DCHS2: variants seen among roughly 807,000 people sequenced by gnomAD.
DCHS2 encodes dachsous cadherin-related 2, also known as protocadherin-23.
A neutral mutation model predicts 182.4 loss-of-function variants in DCHS2; 142 were observed. That is an observed-to-expected ratio of 0.78 (90% CI 0.68 to 0.89). The LOEUF is 0.89. Ranked by LOEUF, DCHS2 falls within the 40% of genes least tolerant of loss-of-function variation. The probability of loss-of-function intolerance (pLI) is 0.00; values close to 1 mark genes in which losing one functional copy is unlikely to be tolerated. For missense variants in DCHS2, 4,319 were observed against 4,198.6 expected, an observed-to-expected ratio of 1.03 and a Z score of -0.79; for synonymous variants, 1,740 against 1,663.3, an observed-to-expected ratio of 1.05 and a Z score of -1.12.
intron 2 of DCHS2, among the ~76,000 whole-genome samples, chr4:154,370,538 T>A (rs1280191406): frequency 6.6e-6 from 1 of 152,030 alleles, no homozygotes; most frequent in Non-Finnish European, 1.5e-5. Flanking sequence ...AAATTAATGA[T>A]GCAGGAAAAA....
At chr4:154,343,837 CA>C (rs1203659248) in intron 3 of DCHS2, among the ~76,000 whole-genome samples, 1 of 152,188 alleles carries the variant, frequency 6.6e-6, no homozygotes, top group African/African-American at 2.4e-5. Flanking sequence ...TTTACATTCA[CA>C]ATTCGGATAA....
At chr4:154,343,089 A>T (rs912851861) in intron 3 of DCHS2, among the ~76,000 whole-genome samples, 1 of 152,176 alleles carries the variant, frequency 6.6e-6, no homozygotes, top group Non-Finnish European at 1.5e-5. Flanking sequence ...AGCAGTAATG[A>T]TTTGAAAGAA....
At chr4:154,374,100 C>G in intron 2 of DCHS2, 1 of 664,566 alleles carries the variant, frequency 1.5e-6, no homozygotes. Context: ...TCCCAATGCA[C>G]TTCTGGAGCA....
chr4:154,450,310 G>A (rs756697993), intron 1 of DCHS2, among the ~76,000 whole-genome samples: 6 of 152,214 alleles, frequency 3.9e-5, no homozygotes, highest in Non-Finnish European at 5.9e-5. Context: ...CTTGAATGCT[G>A]TTAAGTACTG....
In DCHS2 at chr4:154,239,164, A is replaced by C; in HGVS notation, c.7492+6T>G. The C allele has an allele frequency of 1.2e-6, 2 of 1,609,694 alleles. No homozygotes were observed. The highest frequency in any genetic ancestry group is 8.5e-7 in the Non-Finnish European group (1 of 1,178,322). ...ATGAGCATTAATGCAATTATAAATAACTCACCATTCTTAGGATCAATGGAG... is the reference window on the plus strand; with the variant it reads ...ATGAGCATTAATGCAATTATAAATACCTCACCATTCTTAGGATCAATGGAG... On this transcript the variant is annotated splice_donor_region_variant and intron_variant, in intron 19 of 19. Transcript: ENST00000357232.
At chr4:154,450,548 G>C (rs1446672253) in intron 1 of DCHS2, among the ~76,000 whole-genome samples, 2 of 152,122 alleles carry the variant, frequency 1.3e-5, no homozygotes, top group African/African-American at 4.8e-5. Context: ...AAATTTAGGA[G>C]CCAGCCGGGC....
rs527548835 is a variant in DCHS2 at position 154,490,137 on chromosome 4, T to A, written c.1219A>T (p.Asn407Tyr). ...ACGTGAATTGCTGGCCGGTTGTCATTCACGTCCAGCACGGCGATGGACACG... is the reference window on the plus strand; with the variant it reads ...ACGTGAATTGCTGGCCGGTTGTCATACACGTCCAGCACGGCGATGGACACG... ...VRVSIAVLDV[N>Y]DNRPAIHVLF... Residue 407 changes from asparagine (N) to tyrosine (Y), a missense_variant, in exon 1 of 20, where the codon AAT (asparagine) becomes TAT (tyrosine). Physicochemically the swap from Asn to Tyr is moderately radical, Grantham distance 143 (BLOSUM62 -2). Coordinates refer to ENST00000357232, the MANE Select transcript of DCHS2 (RefSeq NM_001358235.2). The A allele has an allele frequency of 6.5e-7, 1 of 1,548,190 alleles. No homozygotes were observed. Among genetic ancestry groups the A allele is most frequent in the Non-Finnish European group, 8.7e-7 (1 of 1,145,474 alleles).
At chr4:154,437,541 A>C (rs1249087992) in intron 1 of DCHS2, among the ~76,000 whole-genome samples, 1 of 152,220 alleles carries the variant, frequency 6.6e-6, no homozygotes, top group Non-Finnish European at 1.5e-5. Context: ...CAAGCAATAT[A>C]AATACTATAT....
In DCHS2 at chr4:154,333,309, T is replaced by G. The variant is rs1327103132; in HGVS notation, c.2899A>C (p.Ile967Leu). The change falls in exon 5 of 20, where the codon ATA becomes CTA. Residue 967 changes from isoleucine (I) to leucine (L), a missense_variant. Coordinates refer to ENST00000357232, the MANE Select transcript of DCHS2 (RefSeq NM_001358235.2). Reference sequence around the variant, plus strand: ...TTGTCATTGACATCCATGACTGTTATGTTGACCTCGGTGCTGCTGCAGGCT... The same window carrying G: ...TTGTCATTGACATCCATGACTGTTAGGTTGACCTCGGTGCTGCTGCAGGCT... Reference protein sequence around the residue: ...APACSSTEVNITVMDVNDNHP... With the variant: ...APACSSTEVNLTVMDVNDNHP... 1.2e-6 allele frequency: 2 copies of G among 1,614,212 alleles called. No homozygotes were observed. Among genetic ancestry groups the G allele is most frequent in the South Asian group, 1.1e-5 (1 of 91,078 alleles).
intron 2 of DCHS2, among the ~76,000 whole-genome samples, chr4:154,373,651 T>G (rs1730745387): frequency 1.1e-5 from 1 of 92,762 alleles, no homozygotes; most frequent in Non-Finnish European, 2.2e-5. Context: ...CAGGTCCCGT[T>G]TTCACATAAA....
intron 1 of DCHS2, among the ~76,000 whole-genome samples, chr4:154,445,228 C>T (rs904820200): frequency 6.6e-6 from 1 of 152,090 alleles, no homozygotes; most frequent in Non-Finnish European, 1.5e-5. Flanking sequence ...GGCTTAGAAT[C>T]GAGTCTGGAA....
chr4:154,241,022 C>T (rs946252702), intron 17 of DCHS2, among the ~76,000 whole-genome samples, 199 bp from the exon 18 acceptor site: 1 of 152,080 alleles, frequency 6.6e-6, no homozygotes, highest in African/African-American at 2.4e-5. Context: ...TGAAAATTTA[C>T]CACTGAGTAG....
At chr4:154,437,088 A>C (rs1733810686) in intron 1 of DCHS2, among the ~76,000 whole-genome samples, 1 of 152,124 alleles carries the variant, frequency 6.6e-6, no homozygotes, top group South Asian at 2.1e-4. Flanking sequence ...CCTGCATTCA[A>C]GTTAGGCCTC....
At chr4:154,474,909 G>A (rs1033895044) in intron 1 of DCHS2, among the ~76,000 whole-genome samples, 1 of 152,118 alleles carries the variant, frequency 6.6e-6, no homozygotes, top group Admixed American at 6.5e-5. Context: ...GTTTTCTTCT[G>A]TAGGAAAAAC....
chr4:154,259,691 C>T lies in DCHS2; in HGVS notation c.6643G>A (p.Val2215Ile), dbSNP rs1318829771. Residue 2215 changes from valine to isoleucine, a missense_variant, in exon 15 of 20, where the codon GTT becomes ATT. Coordinates refer to ENST00000357232, the MANE Select transcript of DCHS2 (RefSeq NM_001358235.2). ...CTATGCCCACTACTTTCAGCTAAAA[C>T]GATGAGTTGAACCTCATTTCTGACT... Reference protein sequence around the residue: ...FEVRNEVQLIVLAESSGHRAY... With the variant: ...FEVRNEVQLIILAESSGHRAY... 5.0e-6 allele frequency: 8 copies of T among 1,613,974 alleles called. No homozygotes were observed. The highest frequency in any genetic ancestry group is 1.3e-5 in the African/African-American group (1 of 74,992).
At chr4:154,275,759 G>T (rs796695624) in intron 13 of DCHS2, among the ~76,000 whole-genome samples, 38 of 152,114 alleles carry the variant, frequency 2.5e-4, no homozygotes, top group African/African-American at 8.9e-4. Flanking sequence ...TTTTTCATGG[G>T]TTAGAATGCT....
In DCHS2 at chr4:154,315,992, T is replaced by C. The variant is rs769156881; in HGVS notation, c.5021-5A>G. 6.2e-7 allele frequency: 1 copy of C among 1,612,598 alleles called. No individual in the cohort carries two copies. Among genetic ancestry groups the C allele is most frequent in the African/African-American group, 1.3e-5 (1 of 74,892 alleles). On this transcript the variant is annotated splice_polypyrimidine_tract_variant and splice_region_variant and intron_variant, in intron 9 of 19. Transcript: ENST00000357232. ...GACAGGTTGTGGTTAGTAAGCCTGT[T>C]TTGAAAATGGAAGAAAAGCAACATG...
At chr4:154,331,746 C>CCA in intron 5 of DCHS2, 1 of 1,592,990 alleles carries the variant, frequency 6.3e-7, no homozygotes, top group African/African-American at 1.3e-5. Context: ...TCTCATCTTA[C>CCA]CAGCTCCATG....
In DCHS2 at chr4:154,490,662, G is replaced by T; in HGVS notation, c.694C>A (p.Pro232Thr). 1 of 1,551,488 alleles carries T rather than the reference G, an allele frequency of 6.4e-7. No homozygotes were observed. Among genetic ancestry groups the T allele is most frequent in the Non-Finnish European group, 8.7e-7 (1 of 1,146,910 alleles). ...GAGGAGCCTGGCAAAAGCGGTGACG[G>T]TAGTGGCCCCGGAGTCCGGTAGCGC... ...QLRYRTPGPLPSPLLPGSSSP... is the reference protein window; with the variant it reads ...QLRYRTPGPLTSPLLPGSSSP... The change falls in exon 1 of 20, where the codon CCG (proline) becomes ACG (threonine). Residue 232 changes from proline (P) to threonine (T), a missense_variant. Transcript: ENST00000357232.
Sources: gnomAD v4.1 joint callset for allele counts (sites outside exome capture counted in the v4.1 genomes callset) on GRCh38, gnomAD v4.1.1 for gene constraint, MANE v1.5 for transcripts, NCBI Gene and HGNC (gene_info 2026-07-23, HGNC 2026-07-21) for gene names.